ATRNL1: variants seen among roughly 807,000 people sequenced by gnomAD.
ATRNL1 encodes attractin like 1.
Under a neutral mutation model 182.7 loss-of-function variants are expected in ATRNL1, and 95 were observed. The observed-to-expected ratio is 0.52, with a 90% CI of 0.44 to 0.62. ATRNL1 has a LOEUF of 0.62. Among genes scored for constraint, ATRNL1 ranks in the 20% least tolerant of loss-of-function variants. ATRNL1 has a pLI of 0.00. For missense variants in ATRNL1, 1,471 were observed against 1,679.5 expected, an observed-to-expected ratio of 0.88 and a Z score of 2.17; for synonymous variants, 576 against 568.3, an observed-to-expected ratio of 1.01 and a Z score of -0.19.
chr10:115,308,931 A>T (rs982571492), intron 17 of ATRNL1, among the ~76,000 whole-genome samples: 6 of 152,104 alleles, frequency 3.9e-5, no homozygotes, highest in Non-Finnish European at 5.9e-5. Flanking sequence ...TGATTTTTGT[A>T]TATGGTGAGA....
chr10:115,412,591 A>G (rs1387668401), intron 20 of ATRNL1, among the ~76,000 whole-genome samples: 1 of 152,256 alleles, frequency 6.6e-6, no homozygotes, highest in African/African-American at 2.4e-5. Context: ...ACTGAATTAT[A>G]CAACTCTACA....
chr10:115,593,930 T>G (rs1319451382), intron 26 of ATRNL1, among the ~76,000 whole-genome samples: 1 of 152,112 alleles, frequency 6.6e-6, no homozygotes, highest in Non-Finnish European at 1.5e-5. Flanking sequence ...TATATATACT[T>G]TATTTAATCT....
chr10:115,249,773 A>T (rs1028929314), intron 10 of ATRNL1, among the ~76,000 whole-genome samples: 2 of 152,006 alleles, frequency 1.3e-5, no homozygotes, highest in South Asian at 4.2e-4. Flanking sequence ...AATTTTCATG[A>T]TGTCAGTAAC....
At position 115,426,267 on chromosome 10, in the gene ATRNL1, G is replaced by A; in HGVS notation, c.3287G>A (p.Arg1096His). Residue 1096 changes from arginine (R) to histidine (H), a missense_variant, in exon 21 of 29, where the codon CGC becomes CAC. Arg to His is a conservative substitution (Grantham distance 29). Around this residue, in one of 3 missense-constraint regions of ATRNL1, gnomAD observed 437 missense variants for 506.0 expected, o/e 0.86. Coordinates refer to ENST00000355044, the MANE Select transcript of ATRNL1 (RefSeq NM_207303.4). Reference sequence around the variant, plus strand: ...TTCTGCAGATGTGACTCTGAAAATCGCTATGTTGGTAATCCACTTAGAGGA... The same window carrying A: ...TTCTGCAGATGTGACTCTGAAAATCACTATGTTGGTAATCCACTTAGAGGA... Reference protein sequence around the residue: ...DQCQLCDSENRYVGNPLRGTC... With the variant: ...DQCQLCDSENHYVGNPLRGTC... 2 of 1,611,964 alleles carry A rather than the reference G, an allele frequency of 1.2e-6. No individual in the cohort carries two copies. Among genetic ancestry groups the A allele is most frequent in the Middle Eastern group, 1.7e-4 (1 of 6,038 alleles).
intron 19 of ATRNL1, among the ~76,000 whole-genome samples, chr10:115,350,440 T>A (rs1856194287): frequency 6.6e-6 from 1 of 151,986 alleles, no homozygotes; most frequent in South Asian, 2.1e-4. Context: ...TATTTTGTTT[T>A]AATTTATATA....
intron 27 of ATRNL1, among the ~76,000 whole-genome samples, chr10:115,759,318 A>T (rs2960725): frequency 0.95 from 144,686 of 152,258 alleles, 69,166 homozygotes; most frequent in East Asian, 1. Context: ...AGAAAACATA[A>T]GCACTAGTGA....
chr10:115,151,260 T>C (rs1554880495), intron 5 of ATRNL1, among the ~76,000 whole-genome samples: 1 of 152,216 alleles, frequency 6.6e-6, no homozygotes, highest in Non-Finnish European at 1.5e-5. Flanking sequence ...CTGGGTCAAA[T>C]GGTATTTCTA....
Position 115,165,573 on chromosome 10 carries a change from C to A in ATRNL1, c.1020C>A (p.Ser340Arg). Residue 340 changes from serine (S) to arginine (R), a missense_variant, in exon 7 of 29, where the codon AGC (serine) becomes AGA (arginine). Ser to Arg is a moderately radical substitution (Grantham distance 110). Around this residue, in one of 3 missense-constraint regions of ATRNL1, gnomAD observed 1,031 missense variants for 1,156.0 expected, o/e 0.89. Transcript: ENST00000355044. Reference protein sequence around the residue: ...FQMVLNYNLESSIWNVGTPSR... With the variant: ...FQMVLNYNLERSIWNVGTPSR... ...TTGCTTTTAGTTACAATTTAGAAAG[C>A]AGTATATGGAATGTAGGAACTCCAT... 6.7e-7 allele frequency: 1 copy of A among 1,499,138 alleles called. No individual in the cohort carries two copies. The highest frequency in any genetic ancestry group is 1.4e-5 in the South Asian group (1 of 70,264). The allele number at this position is 1,499,138 out of a possible 1,614,324, so 92.9% of individuals were successfully genotyped here.
intron 26 of ATRNL1, among the ~76,000 whole-genome samples, chr10:115,651,361 C>A (rs1555034287): frequency 6.6e-6 from 1 of 152,072 alleles, no homozygotes; most frequent in African/African-American, 2.4e-5. Flanking sequence ...CCCCTTAAAT[C>A]TAAAATAAAA....
At chr10:115,236,689 A>G (rs1448681195) in intron 9 of ATRNL1, among the ~76,000 whole-genome samples, 5 of 152,102 alleles carry the variant, frequency 3.3e-5, no homozygotes, top group African/African-American at 9.7e-5. Flanking sequence ...CAGGTCCTCT[A>G]TTATGTGTCT....
intron 27 of ATRNL1, among the ~76,000 whole-genome samples, chr10:115,734,581 C>T (rs1179982896): frequency 2.6e-5 from 4 of 151,918 alleles, no homozygotes; most frequent in South Asian, 2.1e-4. Flanking sequence ...ATAGCTCATT[C>T]GATATCTTTC....
At chr10:115,751,273 C>T (rs1268739301) in intron 27 of ATRNL1, among the ~76,000 whole-genome samples, 1 of 152,040 alleles carries the variant, frequency 6.6e-6, no homozygotes, top group Non-Finnish European at 1.5e-5. Flanking sequence ...TCTCCTGGAG[C>T]CTCTGAAAGG....
At chr10:115,834,952 C>A (rs1022571229) in intron 27 of ATRNL1, among the ~76,000 whole-genome samples, 1 of 152,134 alleles carries the variant, frequency 6.6e-6, no homozygotes, top group Non-Finnish European at 1.5e-5. Flanking sequence ...CTTGCTAATA[C>A]TTGGAACATG....
rs782237894 is a variant in ATRNL1, at chr10:115,561,702, T to TGG, written c.3795+12168_3795+12169dup. Among the ~76,000 whole-genome samples the TGG allele has an allele frequency of 4.0e-3, 387 of 95,700 alleles. 2 individuals carry two copies. Among genetic ancestry groups the TGG allele is most frequent in the South Asian group, 0.018 (42 of 2,278 alleles). 62.8% of individuals were successfully genotyped at this position (95,700 alleles called of 152,430 possible). A position where few individuals can be genotyped will look rare whatever the true frequency, so the allele number is the denominator to read the frequency against. Reference sequence around the variant, plus strand: ...GTGTGTGTGTGTGGGTGTGTGTGTGTGGGTGTGTGTGTGTGTGTGTGTTTG... The same window carrying TGG: ...GTGTGTGTGTGTGGGTGTGTGTGTGTGGGGGTGTGTGTGTGTGTGTGTGTTTG... On this transcript the variant is annotated intron_variant, in intron 26 of 28. Transcript: ENST00000355044.
chr10:115,421,412 T>A (rs1489425590), intron 20 of ATRNL1, among the ~76,000 whole-genome samples: 2 of 152,142 alleles, frequency 1.3e-5, no homozygotes, highest in Admixed American at 6.6e-5. Context: ...ATAAATGTGT[T>A]ACATTGCATT....
chr10:115,704,947 C>T (rs560295290), intron 26 of ATRNL1, among the ~76,000 whole-genome samples: 1 of 151,844 alleles, frequency 6.6e-6, no homozygotes, highest in East Asian at 1.9e-4. Context: ...TCTTCTCCTT[C>T]ACGTTTCATG....
At chr10:115,763,597 G>A (rs1555074224) in intron 27 of ATRNL1, among the ~76,000 whole-genome samples, 1 of 152,044 alleles carries the variant, frequency 6.6e-6, no homozygotes, top group Non-Finnish European at 1.5e-5. Flanking sequence ...GTCGGGGATG[G>A]GCACAAAGAT....
intron 24 of ATRNL1, among the ~76,000 whole-genome samples, chr10:115,474,946 T>G (rs1423937942): frequency 6.6e-6 from 1 of 151,364 alleles, no homozygotes; most frequent in African/African-American, 2.4e-5. Context: ...ATCCTGCTTT[T>G]TACCCAAATC....
intron 26 of ATRNL1, among the ~76,000 whole-genome samples, chr10:115,684,668 T>A (rs1354411208): frequency 4.6e-5 from 7 of 151,676 alleles, no homozygotes; most frequent in African/African-American, 1.7e-4. Context: ...AAACTTGGGT[T>A]AATTATCTAA....
Sources: gnomAD v4.1 joint callset for allele counts (sites outside exome capture counted in the v4.1 genomes callset) on GRCh38, gnomAD v4.1.1 for gene constraint, gnomAD v4.1.1 regional missense constraint, MANE v1.5 for transcripts, NCBI Gene and HGNC (gene_info 2026-07-23, HGNC 2026-07-21) for gene names.